The following FAM13B variants were observed in gnomAD, a reference collection of about 807,000 sequenced individuals.
FAM13B encodes protein FAM13B.
A neutral mutation model predicts 117.3 loss-of-function variants in FAM13B; 60 were observed. The ratio of observed to expected loss-of-function variants is 0.51; its 90% CI spans 0.42 to 0.63. The LOEUF is 0.63. Among genes scored for constraint, FAM13B ranks in the 30% least tolerant of loss-of-function variants. FAM13B has a pLI of 0.00. For missense variants in FAM13B, 972 were observed against 1,091.9 expected (o/e 0.89, Z 1.55); for synonymous variants, 332 against 356.1 (o/e 0.93, Z 0.76).
Position 137,979,804 on chromosome 5 carries a change from T to C in FAM13B, c.1179+5453A>G, listed in dbSNP as rs551517089. On this transcript the variant is annotated intron_variant, in intron 10 of 23. Coordinates refer to ENST00000689681, the MANE Select transcript of FAM13B (RefSeq NM_001385994.1). ...CTTCTGCAAGACTATAGTGCCCTAA[T>C]AGCACTAGTCATATTCTGTATTAGA... 8.5e-4 allele frequency among the ~76,000 whole-genome samples: 130 copies of C among 152,284 alleles called. 1 individual carries two copies. The South Asian group carries it at 0.024, about 28-fold the overall frequency.
chr5:137,994,998 G>A (rs1331261581), intron 7 of FAM13B, among the ~76,000 whole-genome samples: 1 of 152,120 alleles, frequency 6.6e-6, no homozygotes, highest in Non-Finnish European at 1.5e-5. Context: ...AACTGACTCT[G>A]GTAAAGATCA....
intron 10 of FAM13B, among the ~76,000 whole-genome samples, chr5:137,971,098 G>A (rs1771980869): frequency 6.6e-6 from 1 of 151,488 alleles, no homozygotes; most frequent in Admixed American, 6.6e-5. Flanking sequence ...ACTCAGCTCT[G>A]CACCAAGCGG....
At chr5:138,045,891 G>A (rs1292010948) in intron 1 of FAM13B, among the ~76,000 whole-genome samples, 1 of 151,062 alleles carries the variant, frequency 6.6e-6, no homozygotes, top group African/African-American at 2.4e-5. Context: ...GTTGCAGTGA[G>A]CCAAGATGGC....
intron 10 of FAM13B, among the ~76,000 whole-genome samples, chr5:137,979,940 T>C (rs1775173883): frequency 6.8e-6 from 1 of 146,324 alleles, no homozygotes; most frequent in Non-Finnish European, 1.5e-5. Flanking sequence ...GGCGCGAGGA[T>C]CACCTGAGGT....
intron 9 of FAM13B, among the ~76,000 whole-genome samples, chr5:137,986,553 A>AT (rs1354731525): frequency 6.6e-6 from 1 of 152,178 alleles, no homozygotes; most frequent in Non-Finnish European, 1.5e-5. Context: ...GCTTTCCTTC[A>AT]TTTAAAGGTA....
At chr5:138,009,190 A>C (rs1358050605) in intron 6 of FAM13B, among the ~76,000 whole-genome samples, 1 of 152,192 alleles carries the variant, frequency 6.6e-6, no homozygotes, top group Non-Finnish European at 1.5e-5. Context: ...CATTAAGTTC[A>C]CATGTAAAGT....
At position 137,940,151 on chromosome 5, in the gene FAM13B, C is replaced by G; in HGVS notation, c.*74G>C. The G allele has an allele frequency of 1.9e-6, 3 of 1,613,380 alleles. No homozygotes were observed. The highest frequency in any genetic ancestry group is 1.7e-4 in the Middle Eastern group (1 of 6,060). ...GTGCCTGACAAAACGAATTTAAGTA[C>G]CAGCCAAGTACACACGATGATAGCT... On this transcript the variant is annotated 3_prime_UTR_variant, in exon 24 of 24. Coordinates refer to ENST00000689681, the MANE Select transcript of FAM13B (RefSeq NM_001385994.1).
At chr5:138,026,484 G>A (rs772721693) in intron 1 of FAM13B, among the ~76,000 whole-genome samples, 1 of 151,128 alleles carries the variant, frequency 6.6e-6, no homozygotes, top group Non-Finnish European at 1.5e-5. Flanking sequence ...AAAATTAGCT[G>A]GGCATGATGT....
At chr5:137,961,712 C>G (rs1768176243) in intron 11 of FAM13B, among the ~76,000 whole-genome samples, 1 of 152,236 alleles carries the variant, frequency 6.6e-6, no homozygotes, top group Non-Finnish European at 1.5e-5. Flanking sequence ...ATCTAGCCTG[C>G]AACTTCATTA....
chr5:138,024,812 CAGAGAGAG>C (rs4033316), intron 1 of FAM13B, among the ~76,000 whole-genome samples: 10 of 144,316 alleles, frequency 6.9e-5, no homozygotes, highest in East Asian at 2.0e-4. Context: ...CACACACACA[CAGAGAGAG>C]AGAGAGAGAG....
chr5:137,966,858 G>C (rs1043268594), intron 10 of FAM13B, among the ~76,000 whole-genome samples: 3 of 152,118 alleles, frequency 2.0e-5, no homozygotes, highest in African/African-American at 7.2e-5. Context: ...TATAATAAAG[G>C]TGGCATTTCA....
chr5:138,026,114 T>C (rs1302764661), intron 1 of FAM13B, among the ~76,000 whole-genome samples: 1 of 152,214 alleles, frequency 6.6e-6, no homozygotes, highest in African/African-American at 2.4e-5. Context: ...TTTAACTATA[T>C]CAACTCATTT....
At chr5:138,051,504 G>A (rs560980271) in intron 1 of FAM13B, among the ~76,000 whole-genome samples, 5 of 152,188 alleles carry the variant, frequency 3.3e-5, no homozygotes, top group Admixed American at 2.0e-4. Flanking sequence ...AATGGCACAC[G>A]TTATTGAACT....
At chr5:137,989,301 T>C (rs1778019124) in intron 7 of FAM13B, among the ~76,000 whole-genome samples, 1 of 152,230 alleles carries the variant, frequency 6.6e-6, no homozygotes, top group Non-Finnish European at 1.5e-5. Flanking sequence ...GAGTATCATT[T>C]ACCATTCATT....
chr5:137,964,276 A>G (rs746428682), intron 10 of FAM13B, among the ~76,000 whole-genome samples: 93 of 151,766 alleles, frequency 6.1e-4, no homozygotes, highest in Non-Finnish European at 1.2e-3. Flanking sequence ...GAATAGGGTA[A>G]TTTTTTTGTA....
intron 1 of FAM13B, among the ~76,000 whole-genome samples, chr5:138,044,518 C>G (rs1041163054): frequency 6.7e-6 from 1 of 149,928 alleles, no homozygotes; most frequent in African/African-American, 2.5e-5. Flanking sequence ...CACCATTGCA[C>G]TCCAGCCTGG....
At position 137,945,935 on chromosome 5, in the gene FAM13B, T is replaced by G. The variant is rs1763293952; in HGVS notation, c.2307A>C (p.Gln769His). 3 of 1,613,534 alleles carry G rather than the reference T, an allele frequency of 1.9e-6. No homozygotes were observed. In the East Asian group the frequency reaches 6.7e-5, roughly 36 times the overall value. Reference sequence around the variant, plus strand: ...GAGTGATGCTAGCTCTTGTCAGCATTTGTTTTACAAGCCTGTATCTATCAT... The same window carrying G: ...GAGTGATGCTAGCTCTTGTCAGCATGTGTTTTACAAGCCTGTATCTATCAT... ...PLYDRYRLVK[Q>H]MLTRASITPV... Residue 769 changes from glutamine to histidine, a missense_variant, in exon 20 of 24, where the codon CAA (glutamine) becomes CAC (histidine). Physicochemically the swap from Gln to His is conservative, Grantham distance 24 (BLOSUM62 0). Transcript: ENST00000689681.
At position 138,050,666 on chromosome 5, in the gene FAM13B, A is replaced by G. The variant is rs1168991971; in HGVS notation, c.-203+1212T>C. 2.0e-5 allele frequency among the ~76,000 whole-genome samples: 3 copies of G among 152,160 alleles called. No individual in the cohort carries two copies. In the East Asian group the frequency reaches 5.8e-4, roughly 29 times the overall value. Reference sequence around the variant, plus strand: ...GGACAAGACTACAGAAACACCTGTTAACCTCTCCCATACTGTCTACTGTCT... The same window carrying G: ...GGACAAGACTACAGAAACACCTGTTGACCTCTCCCATACTGTCTACTGTCT... On this transcript the variant is annotated intron_variant, in intron 1 of 3. Coordinates refer to the FAM13B transcript ENST00000502471.
At chr5:137,971,013 G>C (rs537481445) in intron 10 of FAM13B, among the ~76,000 whole-genome samples, 1 of 151,920 alleles carries the variant, frequency 6.6e-6, no homozygotes, top group African/African-American at 2.4e-5. Context: ...TTAATAATGG[G>C]AGACTTTAAC....
Sources: gnomAD v4.1 joint callset for allele counts (sites outside exome capture counted in the v4.1 genomes callset) on GRCh38, gnomAD v4.1.1 for gene constraint, MANE v1.5 for transcripts, NCBI Gene and HGNC (gene_info 2026-07-23, HGNC 2026-07-21) for gene names.